Variants in TFCP2L1 observed in about 807,000 individuals in gnomAD.
The protein encoded by TFCP2L1 is transcription factor CP2-like protein 1.
Under a neutral mutation model 72.2 loss-of-function variants are expected in TFCP2L1, and 12 were observed. The ratio of observed to expected loss-of-function variants is 0.17; its 90% CI spans 0.11 to 0.27. TFCP2L1 has a LOEUF of 0.27. Among genes scored for constraint, TFCP2L1 ranks in the 10% least tolerant of loss-of-function variants. TFCP2L1 has a pLI of 1.00. For synonymous variants in TFCP2L1, 260 were observed against 251.0 expected, an observed-to-expected ratio of 1.04 and a Z score of -0.34; for missense variants, 488 against 624.6, an observed-to-expected ratio of 0.78 and a Z score of 2.33.
chr2:121,279,719 A>G (rs1687217023), intron 2 of TFCP2L1, among the ~76,000 whole-genome samples: 1 of 152,208 alleles, frequency 6.6e-6, no homozygotes, highest in Non-Finnish European at 1.5e-5. Flanking sequence ...GAAGCTACAC[A>G]TGTAAGACAA....
At chr2:121,250,210 T>C (rs1319535229) in intron 2 of TFCP2L1, among the ~76,000 whole-genome samples, 2 of 151,992 alleles carry the variant, frequency 1.3e-5, no homozygotes, top group African/African-American at 4.8e-5. Flanking sequence ...TCAAAGAATA[T>C]AAATGGAAAA....
chr2:121,284,260 C>T (rs1687321500), intron 1 of TFCP2L1, among the ~76,000 whole-genome samples: 1 of 152,178 alleles, frequency 6.6e-6, no homozygotes, highest in African/African-American at 2.4e-5. Context: ...GAAATAAGGA[C>T]AGGCTAAAGC....
chr2:121,243,726 C>A (rs1686426298), intron 6 of TFCP2L1, among the ~76,000 whole-genome samples: 1 of 151,658 alleles, frequency 6.6e-6, no homozygotes, highest in Admixed American at 6.6e-5. Context: ...GACTGTCCTC[C>A]CCCCGCCACC....
At chr2:121,242,515 C>G in intron 6 of TFCP2L1, 46 bp from the exon 7 acceptor site, 1 of 1,582,766 alleles carries the variant, frequency 6.3e-7, no homozygotes, top group African/African-American at 1.3e-5. Flanking sequence ...CCAACACAGG[C>G]AGCAGCCCCC....
Position 121,285,059 on chromosome 2 carries a change from G to T in TFCP2L1, c.51C>A (p.Gly17=). ...QPEHYNQHNS[G]SYLRDVLALP... is the part of the protein sequence containing the mutation. ...CGCGCGGCCCTTACCGCAGGTAGCT[G>T]CCGGAGTTGTGCTGGTTGTAGTGCT... The change falls in exon 1 of 15, where the codon GGC becomes GGA. Residue 17 remains glycine, a synonymous_variant. Transcript: ENST00000263707. The T allele has an allele frequency of 3.3e-6, 5 of 1,516,582 alleles. No individual in the cohort carries two copies. Among genetic ancestry groups the T allele is most frequent in the East Asian group, 2.8e-5 (1 of 35,776 alleles). 93.9% of individuals were successfully genotyped at this position (1,516,582 alleles called of 1,614,324 possible). A position where few individuals can be genotyped will look rare whatever the true frequency, so the allele number is the denominator to read the frequency against.
intron 13 of TFCP2L1, 106 bp downstream of exon 13, chr2:121,231,719 AC>A: frequency 1.3e-6 from 2 of 1,485,076 alleles, no homozygotes; most frequent in Non-Finnish European, 1.8e-6. Flanking sequence ...GTGCAGATGA[AC>A]CTGTCTGTCA....
At chr2:121,280,987 C>CTG in intron 2 of TFCP2L1, 133 bp downstream of exon 2, 1 of 1,081,674 alleles carries the variant, frequency 9.2e-7, no homozygotes, top group Non-Finnish European at 1.3e-6. Flanking sequence ...GAACCTGCAC[C>CTG]TGTTCTCTTT....
intron 2 of TFCP2L1, among the ~76,000 whole-genome samples, chr2:121,255,725 A>G (rs1221699459): frequency 6.7e-6 from 1 of 150,348 alleles, no homozygotes; most frequent in Non-Finnish European, 1.5e-5. Flanking sequence ...GAGTGTATCT[A>G]TTACATTTCC....
chr2:121,258,889 T>C (rs1403301867), intron 2 of TFCP2L1, among the ~76,000 whole-genome samples: 1 of 152,194 alleles, frequency 6.6e-6, no homozygotes, highest in Non-Finnish European at 1.5e-5. Flanking sequence ...TTTGATAATG[T>C]ACTTGTGGTT....
chr2:121,231,530 A>G (rs548618357), intron 13 of TFCP2L1, among the ~76,000 whole-genome samples: 24 of 152,138 alleles, frequency 1.6e-4, no homozygotes, highest in Non-Finnish European at 3.2e-4. Context: ...CCCTCTCCTG[A>G]CCTCCACAGC....
Position 121,269,918 on chromosome 2 carries a change from A to AAAAAAAAAAAAAAAAAAT in TFCP2L1, c.214+11201_214+11202insATTTTTTTTTTTTTTTTT. On this transcript the variant is annotated intron_variant, in intron 2 of 14. Coordinates refer to ENST00000263707, the MANE Select transcript of TFCP2L1 (RefSeq NM_014553.3). ...AGCAAGACTCCATCTAAAAAAAAAA[A>AAAAAAAAAAAAAAAAAAT]ATATATATATATATATATGCAAAAG... is the stretch of plus-strand genomic sequence containing the variant. Among the ~76,000 whole-genome samples the AAAAAAAAAAAAAAAAAAT allele has an allele frequency of 1.9e-3, 220 of 115,058 alleles. 6 individuals carry two copies. Among genetic ancestry groups the AAAAAAAAAAAAAAAAAAT allele is most frequent in the East Asian group, 6.1e-3 (16 of 2,630 alleles). 75.5% of individuals were successfully genotyped at this position (115,058 alleles called of 152,430 possible).
At chr2:121,284,958 A>C (rs1687337488) in intron 1 of TFCP2L1, 90 bp downstream of exon 1, 10 of 1,187,918 alleles carry the variant, frequency 8.4e-6, no homozygotes, top group Non-Finnish European at 6.6e-6. Flanking sequence ...AGGGCCCAGC[A>C]GGGGCGCCCC....
rs561927803 is a variant in TFCP2L1 at position 121,249,195 on chromosome 2, CT to C, written c.292-109del. On this transcript the variant is annotated intron_variant, in intron 3 of 14. Transcript: ENST00000263707. ...CCTCCCACCTTTGAGGCCCCTCCCC[CT>C]GGGGCTTCCTTTCCCAGTTCTCAAG... 3.1e-4 allele frequency: 249 copies of C among 796,460 alleles called. 1 individual carries two copies. In the African/African-American group the frequency reaches 4.0e-3, roughly 13 times the overall value. 49.3% of individuals were successfully genotyped at this position (796,460 alleles called of 1,614,324 possible). A position where few individuals can be genotyped will look rare whatever the true frequency, so the allele number is the denominator to read the frequency against.
rs1215850235 is a variant in TFCP2L1 at position 121,221,479 on chromosome 2, CA to C, written c.*2861del. ...TCCAGTAAGAAGCAGAGGCCTTTAG[CA>C]AGGATGCCAAGACAATTCCGTGGAG... On this transcript the variant is annotated 3_prime_UTR_variant, in exon 15 of 15. Coordinates refer to ENST00000263707, the MANE Select transcript of TFCP2L1 (RefSeq NM_014553.3). 2 of 151,856 alleles carry C rather than the reference CA, an allele frequency of 1.3e-5. No homozygotes were observed. Among genetic ancestry groups the C allele is most frequent in the East Asian group, 3.9e-4 (2 of 5,180 alleles). 9.4% of individuals were successfully genotyped at this position (151,856 alleles called of 1,614,324 possible).
chr2:121,281,089 T>A, intron 2 of TFCP2L1, 31 bp downstream of exon 2: 1 of 1,613,410 alleles, frequency 6.2e-7, no homozygotes, highest in Non-Finnish European at 8.5e-7. Flanking sequence ...ACTTCTGGGT[T>A]CCGCCCTGGC....
intron 11 of TFCP2L1, among the ~76,000 whole-genome samples, chr2:121,234,472 T>C (rs1253486837): frequency 6.6e-6 from 1 of 152,234 alleles, no homozygotes; most frequent in Non-Finnish European, 1.5e-5. Context: ...TCAGGTATTG[T>C]TCTCAGAACA....
At chr2:121,237,242 G>C (rs1481856158) in intron 10 of TFCP2L1, among the ~76,000 whole-genome samples, 2 of 152,222 alleles carry the variant, frequency 1.3e-5, no homozygotes, top group Non-Finnish European at 2.9e-5. Flanking sequence ...CAGCTCCCAG[G>C]TCGTGGCTCT....
At chr2:121,281,009 C>A in intron 2 of TFCP2L1, 111 bp downstream of exon 2, 2 of 1,431,598 alleles carry the variant, frequency 1.4e-6, no homozygotes, top group South Asian at 1.3e-5. Flanking sequence ...CCGAGCCCGA[C>A]CTCGCCCGAC....
intron 5 of TFCP2L1, 79 bp from the exon 6 acceptor site, chr2:121,247,049 T>C: frequency 6.5e-7 from 1 of 1,549,916 alleles, no homozygotes; most frequent in Non-Finnish European, 8.8e-7. Context: ...CCCCCTCTAT[T>C]GGAGGTGTCC....
Sources: gnomAD v4.1 joint callset for allele counts (sites outside exome capture counted in the v4.1 genomes callset) on GRCh38, gnomAD v4.1.1 for gene constraint, MANE v1.5 for transcripts, NCBI Gene and HGNC (gene_info 2026-07-23, HGNC 2026-07-21) for gene names.